The following HECW1 variants were observed in gnomAD, a reference collection of about 807,000 sequenced individuals.
The protein encoded by HECW1 is E3 ubiquitin-protein ligase HECW1.
A neutral mutation model predicts 182.3 loss-of-function variants in HECW1; 61 were observed. The observed-to-expected ratio is 0.33, with a 90% CI of 0.27 to 0.41. HECW1 has a LOEUF of 0.41. Among genes scored for constraint, HECW1 ranks in the 10% least tolerant of loss-of-function variants. The probability of loss-of-function intolerance (pLI) is 1.00; values close to 1 mark genes in which losing one functional copy is unlikely to be tolerated. For missense variants in HECW1, 1,739 were observed against 2,108.9 expected (o/e 0.82, Z 3.44); for synonymous variants, 859 against 832.6 (o/e 1.03, Z -0.55).
At chr7:43,194,799 T>C (rs747411978) in intron 2 of HECW1, among the ~76,000 whole-genome samples, 34 of 151,966 alleles carry the variant, frequency 2.2e-4, no homozygotes, top group Non-Finnish European at 8.8e-5. Context: ...GTTCAAGCAA[T>C]TCTCCTGCCT....
chr7:43,417,375 G>A lies in HECW1; in HGVS notation c.801+9644G>A, dbSNP rs145982047. Among the ~76,000 whole-genome samples the A allele has an allele frequency of 8.2e-4, 125 of 152,204 alleles. 1 individual carries two copies. Among genetic ancestry groups the A allele is most frequent in the African/African-American group, 3.0e-3 (123 of 41,530 alleles). On this transcript the variant is annotated intron_variant, in intron 8 of 29. Transcript: ENST00000395891. ...TCTTCATTTATTTCTGAAGACCTGG[G>A]TTTTCCTCTGATATCATTTCCCTTC...
rs566916648 is a variant in HECW1, at chr7:43,243,653, C to G, written c.-31-222C>G. Among the ~76,000 whole-genome samples the G allele has an allele frequency of 1.3e-5, 2 of 152,000 alleles. No individual in the cohort carries two copies. The highest frequency in any genetic ancestry group is 4.8e-5 in the African/African-American group (2 of 41,396). ...CATTCCTTAAATTAAAATTTAAAAT[C>G]AAATCAAATTACTTATGGCACAGAA... On this transcript the variant is annotated intron_variant, in intron 2 of 29. Transcript: ENST00000395891. This position sits in a 1 kb window ranked among gnomAD's most constrained non-coding sequence, Gnocchi z 4.0.
intron 2 of HECW1, among the ~76,000 whole-genome samples, chr7:43,137,258 ATGC>A (rs1345019567): frequency 1.3e-5 from 2 of 152,094 alleles, no homozygotes; most frequent in Admixed American, 1.3e-4. Context: ...TCCCAGGGTG[ATGC>A]TTTCAGCAGA....
At chr7:43,378,714 G>A (rs2074422805) in intron 6 of HECW1, among the ~76,000 whole-genome samples, 1 of 152,116 alleles carries the variant, frequency 6.6e-6, no homozygotes, top group South Asian at 2.1e-4. Context: ...GCTGAGGCAT[G>A]AGAATAGCTT....
At position 43,444,070 on chromosome 7, in the gene HECW1, G is replaced by T. The variant is rs375248704; in HGVS notation, c.1046-148G>T. On this transcript the variant is annotated intron_variant, in intron 10 of 29. Coordinates refer to ENST00000395891, the MANE Select transcript of HECW1 (RefSeq NM_015052.5). The surrounding 1 kb of genome is among the most constrained non-coding windows in gnomAD (Gnocchi z 4.3). ...CATTCTTACAGAATTTTTCACTAGA[G>T]CTCTGGCCAGTGAGAAACCCTCATC... 1.3e-6 allele frequency: 1 copy of T among 765,186 alleles called. No individual in the cohort carries two copies. Among genetic ancestry groups the T allele is most frequent in the African/African-American group, 1.8e-5 (1 of 56,988 alleles). 47.4% of individuals were successfully genotyped at this position (765,186 alleles called of 1,614,324 possible).
At chr7:43,224,495 C>T (rs984713184) in intron 2 of HECW1, among the ~76,000 whole-genome samples, 2 of 152,196 alleles carry the variant, frequency 1.3e-5, no homozygotes, top group African/African-American at 4.8e-5. Flanking sequence ...AAAAAGAATG[C>T]ACCTTTAACA....
rs559818801 is a variant in HECW1 at position 43,312,184 on chromosome 7, AC to A, written c.352+98del. The A allele has an allele frequency of 2.2e-4, 243 of 1,121,734 alleles. 6 individuals carry two copies. The South Asian group carries it at 3.4e-3, about 15-fold the overall frequency. The allele number at this position is 1,121,734 out of a possible 1,614,324, so 69.5% of individuals were successfully genotyped here. A position where few individuals can be genotyped will look rare whatever the true frequency, so the allele number is the denominator to read the frequency against. ...ACAATATAATTAAAATATACAAGCAACTGTGTTATATGCCAGATTCTAACAC... is the reference window on the plus strand; with the variant it reads ...ACAATATAATTAAAATATACAAGCAATGTGTTATATGCCAGATTCTAACAC... On this transcript the variant is annotated intron_variant, in intron 4 of 29. Transcript: ENST00000395891.
chr7:43,432,085 T>C lies in HECW1; in HGVS notation c.802-5918T>C, dbSNP rs557025962. Among the ~76,000 whole-genome samples the C allele has an allele frequency of 1.1e-3, 164 of 151,794 alleles. No homozygotes were observed. The highest frequency in any genetic ancestry group is 3.8e-3 in the African/African-American group (158 of 41,404). On this transcript the variant is annotated intron_variant, in intron 8 of 29. Coordinates refer to ENST00000395891, the MANE Select transcript of HECW1 (RefSeq NM_015052.5). This position sits in a 1 kb window ranked among gnomAD's most constrained non-coding sequence, Gnocchi z 4.1. ...CCTTGTGATCTACCCACCTCGGCCT[T>C]CCAAAGTGCTGGGATTACAGGCATG...
chr7:43,462,893 C>T (rs941743429), intron 13 of HECW1, among the ~76,000 whole-genome samples: 3 of 152,226 alleles, frequency 2.0e-5, no homozygotes, highest in Non-Finnish European at 2.9e-5. Flanking sequence ...ATCTGTGTCC[C>T]ACATACCTCT....
intron 7 of HECW1, among the ~76,000 whole-genome samples, chr7:43,404,762 C>T (rs190013784): frequency 1.0e-3 from 155 of 152,116 alleles, no homozygotes; most frequent in Non-Finnish European, 1.9e-3. Flanking sequence ...GATCACCCTA[C>T]GTCAAGAGTT....
intron 4 of HECW1, among the ~76,000 whole-genome samples, chr7:43,314,531 G>A (rs1808942431): frequency 6.6e-6 from 1 of 152,114 alleles, no homozygotes. Context: ...AGTAGAGGAG[G>A]GGGTGGGTAG....
chr7:43,174,543 C>T (rs1315493553), intron 2 of HECW1, among the ~76,000 whole-genome samples: 1 of 152,182 alleles, frequency 6.6e-6, no homozygotes. Context: ...CTGGACTAGC[C>T]CCTGAGCGAG....
intron 6 of HECW1, 77 bp downstream of exon 6, chr7:43,361,057 C>CGTGCGTGTGT (rs1554378430): frequency 4.1e-4 from 262 of 638,110 alleles, no homozygotes; most frequent in Admixed American, 2.8e-4. Flanking sequence ...CTTGTGCGTG[C>CGTGCGTGTGT]GTGTGTGTGT....
At chr7:43,515,624 G>A (rs2080110430) in intron 24 of HECW1, among the ~76,000 whole-genome samples, 1 of 152,146 alleles carries the variant, frequency 6.6e-6, no homozygotes, top group African/African-American at 2.4e-5. Context: ...ACTTATCAGT[G>A]CAAAGACACC....
At chr7:43,470,974 T>C (rs1369789537) in intron 16 of HECW1, among the ~76,000 whole-genome samples, 2 of 152,246 alleles carry the variant, frequency 1.3e-5, no homozygotes, top group African/African-American at 4.8e-5. Context: ...TACATGACCC[T>C]GTGCAAGTCA....
At chr7:43,350,552 C>T (rs576771182) in intron 5 of HECW1, among the ~76,000 whole-genome samples, 1 of 151,984 alleles carries the variant, frequency 6.6e-6, no homozygotes, top group African/African-American at 2.4e-5. Context: ...AGGCTTTGTT[C>T]ATGTTTTCTT....
chr7:43,494,178 T>G (rs1279303023), intron 19 of HECW1, among the ~76,000 whole-genome samples: 1 of 152,040 alleles, frequency 6.6e-6, no homozygotes, highest in Non-Finnish European at 1.5e-5. Flanking sequence ...CATTGACACC[T>G]CTTTTCCCTG....
intron 2 of HECW1, among the ~76,000 whole-genome samples, chr7:43,221,559 T>A (rs1488972417): frequency 1.8e-5 from 2 of 109,076 alleles, no homozygotes; most frequent in African/African-American, 7.1e-5. Context: ...TTTTTTTTTT[T>A]TTTTTTTTTT....
At chr7:43,450,317 T>C (rs576006176) in intron 11 of HECW1, among the ~76,000 whole-genome samples, 30 of 152,270 alleles carry the variant, frequency 2.0e-4, no homozygotes, top group African/African-American at 7.2e-4. Context: ...TTGACCTGTC[T>C]TGGTACCATC....
Sources: allele counts gnomAD v4.1 joint callset (sites outside exome capture counted in the v4.1 genomes callset), GRCh38; gene constraint gnomAD v4.1.1; non-coding constraint Gnocchi (gnomAD v3.1); transcripts MANE v1.5; gene names NCBI Gene and HGNC (gene_info 2026-07-23, HGNC 2026-07-21).